The following PPM1H variants were observed in gnomAD, a reference collection of about 807,000 sequenced individuals.
PPM1H encodes protein phosphatase, Mg2+/Mn2+ dependent 1H.
In PPM1H, 27 loss-of-function variants were observed where a neutral mutation model predicts 54.9. The ratio of observed to expected loss-of-function variants is 0.49; its 90% CI spans 0.36 to 0.68. The LOEUF (loss-of-function observed/expected upper bound fraction) is 0.68, where lower values mean the gene tolerates loss of function less well. Ranked by LOEUF, PPM1H falls within the 30% of genes least tolerant of loss-of-function variation. The pLI is 0.00. For synonymous variants in PPM1H, 305 were observed against 270.8 expected, an observed-to-expected ratio of 1.13 and a Z score of -1.24; for missense variants, 596 against 667.8, an observed-to-expected ratio of 0.89 and a Z score of 1.19.
At chr12:62,721,516 C>T (rs2076263531) in intron 5 of PPM1H, among the ~76,000 whole-genome samples, 1 of 152,104 alleles carries the variant, frequency 6.6e-6, no homozygotes, top group Admixed American at 6.5e-5. Context: ...TTCTGGATCA[C>T]TTTGAGGGGC....
intron 8 of PPM1H, among the ~76,000 whole-genome samples, chr12:62,680,214 C>CTT (rs945710912): frequency 2.0e-5 from 3 of 151,894 alleles, no homozygotes; most frequent in African/African-American, 7.3e-5. Context: ...CCTTTTCTCT[C>CTT]TTTCTCCCTT....
intron 8 of PPM1H, among the ~76,000 whole-genome samples, chr12:62,678,852 A>C (rs1189870743): frequency 6.6e-6 from 1 of 151,332 alleles, no homozygotes; most frequent in African/African-American, 2.4e-5. Context: ...CACCATGCCT[A>C]ATTTTTGTAT....
intron 3 of PPM1H, among the ~76,000 whole-genome samples, chr12:62,795,440 A>AT (rs1555197043): frequency 1.3e-5 from 2 of 148,856 alleles, no homozygotes; most frequent in African/African-American, 2.5e-5. Context: ...CCCCAGATAA[A>AT]ATATATATAT....
intron 8 of PPM1H, among the ~76,000 whole-genome samples, chr12:62,669,968 C>CCTTTT (rs2075946190): frequency 1.9e-5 from 1 of 52,110 alleles, no homozygotes; most frequent in African/African-American, 1.5e-4. Flanking sequence ...AGGATTGATT[C>CCTTTT]CTTTTTTTTT....
At chr12:62,927,049 TCAAA>T (rs1871991992) in intron 1 of PPM1H, among the ~76,000 whole-genome samples, 1 of 152,192 alleles carries the variant, frequency 6.6e-6, no homozygotes, top group Admixed American at 6.5e-5. Flanking sequence ...TCTTCAATAA[TCAAA>T]CAGATTACAA....
chr12:62,751,110 C>A (rs78200528), intron 4 of PPM1H, among the ~76,000 whole-genome samples: 11 of 152,162 alleles, frequency 7.2e-5, no homozygotes, highest in Admixed American at 5.2e-4. Context: ...GTAGGACGAA[C>A]TTTTCTCTTC....
At chr12:62,836,286 C>T (rs1868501764) in intron 1 of PPM1H, among the ~76,000 whole-genome samples, 1 of 152,180 alleles carries the variant, frequency 6.6e-6, no homozygotes, top group South Asian at 2.1e-4. Flanking sequence ...TTAACAAAAA[C>T]TATCTCCCTA....
At chr12:62,719,451 C>T (rs986870073) in intron 6 of PPM1H, among the ~76,000 whole-genome samples, 23 of 152,140 alleles carry the variant, frequency 1.5e-4, no homozygotes, top group Admixed American at 9.8e-4. Flanking sequence ...CCAGGCACTG[C>T]GCTCTCATTT....
chr12:62,663,768 C>T (rs1382779535), intron 9 of PPM1H, among the ~76,000 whole-genome samples: 1 of 152,192 alleles, frequency 6.6e-6, no homozygotes, highest in Admixed American at 6.5e-5. Flanking sequence ...GAGGTGGGCG[C>T]ATCACCTGAG....
chr12:62,762,158 T>C (rs1399618769), intron 4 of PPM1H, among the ~76,000 whole-genome samples: 1 of 152,218 alleles, frequency 6.6e-6, no homozygotes, highest in Non-Finnish European at 1.5e-5. Context: ...TTTTAGGAGT[T>C]CCTTAGAGAG....
At chr12:62,734,182 A>G (rs555803712) in intron 5 of PPM1H, among the ~76,000 whole-genome samples, 85 of 151,882 alleles carry the variant, frequency 5.6e-4, no homozygotes, top group Non-Finnish European at 1.1e-3. Context: ...GCTGCCTACA[A>G]ATCAGGAAGT....
chr12:62,739,244 A>G (rs1427077245), intron 4 of PPM1H, among the ~76,000 whole-genome samples: 2 of 152,094 alleles, frequency 1.3e-5, no homozygotes, highest in South Asian at 2.1e-4. Context: ...GTCAAATGCA[A>G]TCACTATTAC....
At chr12:62,665,593 T>G (rs1460742694) in intron 9 of PPM1H, among the ~76,000 whole-genome samples, 1 of 152,250 alleles carries the variant, frequency 6.6e-6, no homozygotes, top group South Asian at 2.1e-4. Context: ...TTCACCAGTG[T>G]TCTCTTCAAC....
chr12:62,755,212 C>A, intron 4 of PPM1H: 1 of 665,882 alleles, frequency 1.5e-6, no homozygotes, highest in South Asian at 1.4e-5. Context: ...ACAGCTGCAT[C>A]CCTGAGACAC....
chr12:62,898,638 T>C (rs1358639398), intron 1 of PPM1H, among the ~76,000 whole-genome samples: 1 of 152,206 alleles, frequency 6.6e-6, no homozygotes, highest in Non-Finnish European at 1.5e-5. Context: ...ACAGATTTTT[T>C]CCAAATTTAG....
At chr12:62,785,343 T>C (rs2076664772) in intron 4 of PPM1H, among the ~76,000 whole-genome samples, 2 of 151,544 alleles carry the variant, frequency 1.3e-5, no homozygotes, top group Non-Finnish European at 2.9e-5. Flanking sequence ...CACCCGCTCA[T>C]TTTTTTTGTA....
rs113914400 is a variant in PPM1H, at chr12:62,651,074, C to T, written c.1398-2438G>A. On this transcript the variant is annotated intron_variant, in intron 9 of 9. Transcript: ENST00000228705. ...TCAGAAACCTGGCTAAGTTTATTTG[C>T]CTATCAGGCCTGAACACACCTTAAC... Among the ~76,000 whole-genome samples, 806 of 152,298 alleles carry T rather than the reference C, an allele frequency of 5.3e-3. 10 individuals carry two copies. Among genetic ancestry groups the T allele is most frequent in the African/African-American group, 0.018 (731 of 41,550 alleles).
intron 1 of PPM1H, among the ~76,000 whole-genome samples, chr12:62,852,353 T>C (rs934715844): frequency 6.6e-6 from 1 of 151,980 alleles, no homozygotes; most frequent in Non-Finnish European, 1.5e-5. Flanking sequence ...TCTGGCTTTC[T>C]TTCCTACATG....
At chr12:62,835,460 G>A (rs1024596839) in intron 1 of PPM1H, among the ~76,000 whole-genome samples, 25 of 152,234 alleles carry the variant, frequency 1.6e-4, no homozygotes, top group South Asian at 2.1e-4. Flanking sequence ...TATTCTTGTC[G>A]GTGCCTGGTT....
Sources: allele counts gnomAD v4.1 joint callset (sites outside exome capture counted in the v4.1 genomes callset), GRCh38; gene constraint gnomAD v4.1.1; transcripts MANE v1.5; gene names NCBI Gene and HGNC (gene_info 2026-07-23, HGNC 2026-07-21).